Variants in FAM210A observed in about 807,000 individuals in gnomAD.
The protein encoded by FAM210A is mitochondrial inner membrane scaffold 1.
A neutral mutation model predicts 25.3 loss-of-function variants in FAM210A; 13 were observed. The ratio of observed to expected loss-of-function variants is 0.51; its 90% CI spans 0.33 to 0.82. FAM210A has a LOEUF of 0.82. FAM210A is among the 40% of genes least tolerant of loss of function. FAM210A has a pLI of 0.02. For synonymous variants in FAM210A, 125 were observed against 118.7 expected (o/e 1.05, Z -0.35); for missense variants, 319 against 323.2 (o/e 0.99, Z 0.10).
intron 2 of FAM210A, among the ~76,000 whole-genome samples, chr18:13,681,112 A>G (rs1296667993): frequency 1.3e-5 from 2 of 152,228 alleles, no homozygotes; most frequent in African/African-American, 4.8e-5. Context: ...GAACATTCTA[A>G]GAAATATATA....
intron 1 of FAM210A, among the ~76,000 whole-genome samples, chr18:13,698,898 C>T (rs2043717189): frequency 6.6e-6 from 1 of 152,182 alleles, no homozygotes; most frequent in Non-Finnish European, 1.5e-5. Flanking sequence ...CCCAACCTCT[C>T]AGGTTTATGC....
chr18:13,712,223 A>C (rs575288301), intron 1 of FAM210A, among the ~76,000 whole-genome samples: 1 of 152,234 alleles, frequency 6.6e-6, no homozygotes, highest in South Asian at 2.1e-4. Context: ...AATTATAAGA[A>C]AAATATACTA....
chr18:13,693,374 A>C (rs1371563227), intron 1 of FAM210A, among the ~76,000 whole-genome samples: 3 of 152,340 alleles, frequency 2.0e-5, no homozygotes, highest in African/African-American at 7.2e-5. Flanking sequence ...AAAAGAGGGA[A>C]TCCTCCCTAA....
intron 1 of FAM210A, among the ~76,000 whole-genome samples, chr18:13,684,963 AT>A (rs1446779480): frequency 6.6e-5 from 10 of 152,248 alleles, no homozygotes; most frequent in Admixed American, 1.3e-4. Context: ...CTAAAAAAAA[AT>A]CTTCAAACTT....
chr18:13,715,201 A>C (rs2043850981), intron 1 of FAM210A: 1 of 152,068 alleles, frequency 6.6e-6, no homozygotes, highest in East Asian at 1.9e-4. Context: ...CAGTTTCTAG[A>C]CTGGGCTAGT....
chr18:13,676,594 C>G (rs1385853805), intron 2 of FAM210A, among the ~76,000 whole-genome samples: 1 of 152,228 alleles, frequency 6.6e-6, no homozygotes, highest in Non-Finnish European at 1.5e-5. Flanking sequence ...AAGACATTCA[C>G]CTACATAAGC....
At chr18:13,704,530 C>A (rs80352671) in intron 1 of FAM210A, among the ~76,000 whole-genome samples, 1,888 of 152,194 alleles carry the variant, frequency 0.012, 42 homozygotes, top group African/African-American at 0.04. Flanking sequence ...TGTTTTAAAC[C>A]TTTAACATAT....
At chr18:13,678,631 C>G (rs1222488264) in intron 2 of FAM210A, among the ~76,000 whole-genome samples, 1 of 152,170 alleles carries the variant, frequency 6.6e-6, no homozygotes, top group Non-Finnish European at 1.5e-5. Flanking sequence ...TTAAAAATAA[C>G]TTTCATTTCC....
chr18:13,726,482 C>T lies in FAM210A; in HGVS notation c.-182G>A, dbSNP rs543578953. Reference sequence around the variant, plus strand: ...CCGGGCTCAGCCGGACGCTAGCCCCCTGCCGCCCCCGGCCCCGCCAGCCGC... The same window carrying T: ...CCGGGCTCAGCCGGACGCTAGCCCCTTGCCGCCCCCGGCCCCGCCAGCCGC... On this transcript the variant is annotated 5_prime_UTR_variant, in exon 1 of 4. Coordinates refer to ENST00000651643, the MANE Select transcript of FAM210A (RefSeq NM_152352.4). The T allele has an allele frequency of 6.5e-6, 1 of 152,756 alleles. No homozygotes were observed. The highest frequency in any genetic ancestry group is 1.9e-4 in the East Asian group (1 of 5,172). 9.5% of individuals were successfully genotyped at this position (152,756 alleles called of 1,614,324 possible).
At chr18:13,695,006 TAAAC>T (rs1236744330) in intron 1 of FAM210A, among the ~76,000 whole-genome samples, 1 of 152,050 alleles carries the variant, frequency 6.6e-6, no homozygotes, top group Non-Finnish European at 1.5e-5. Context: ...ACAAAGAACT[TAAAC>T]AAACTTACAA....
chr18:13,698,146 A>T (rs915915296), intron 1 of FAM210A, among the ~76,000 whole-genome samples: 17 of 152,090 alleles, frequency 1.1e-4, no homozygotes, highest in African/African-American at 4.1e-4. Context: ...TGAGGTCAGG[A>T]GTTCGAGACC....
At position 13,677,512 on chromosome 18, in the gene FAM210A, G is replaced by A. The variant is rs575057940; in HGVS notation, c.473+4093C>T. On this transcript the variant is annotated intron_variant, in intron 2 of 3. Coordinates refer to ENST00000651643, the MANE Select transcript of FAM210A (RefSeq NM_152352.4). ...GAACAGAACACAACACAACAGAACA[G>A]AACAGGGATTTTCACAGTGCTTTTC... Among the ~76,000 whole-genome samples, 8 of 152,340 alleles carry A rather than the reference G, an allele frequency of 5.3e-5. No homozygotes were observed. In the South Asian group the frequency reaches 1.7e-3, roughly 32 times the overall value.
At chr18:13,674,899 T>A (rs1268329846) in intron 2 of FAM210A, among the ~76,000 whole-genome samples, 1 of 127,854 alleles carries the variant, frequency 7.8e-6, no homozygotes, top group African/African-American at 2.9e-5. Context: ...CCCCGACTTC[T>A]TTATTTCCAG....
At chr18:13,667,107 A>G (rs1032616189) in intron 3 of FAM210A, among the ~76,000 whole-genome samples, 2 of 152,216 alleles carry the variant, frequency 1.3e-5, no homozygotes, top group African/African-American at 4.8e-5. Context: ...TTCTATCTGG[A>G]GCTAAACTAG....
intron 1 of FAM210A, among the ~76,000 whole-genome samples, chr18:13,708,449 C>T (rs886919287): frequency 2.0e-5 from 3 of 152,156 alleles, no homozygotes; most frequent in Non-Finnish European, 4.4e-5. Flanking sequence ...TCTCAAAGTT[C>T]CACCACTCTA....
chr18:13,708,483 G>A (rs756053239), intron 1 of FAM210A, among the ~76,000 whole-genome samples: 9 of 152,102 alleles, frequency 5.9e-5, no homozygotes, highest in Non-Finnish European at 1.2e-4. Flanking sequence ...CTAGTGAGTC[G>A]CCCCATTCTG....
intron 1 of FAM210A, among the ~76,000 whole-genome samples, chr18:13,691,945 A>C (rs12962031): frequency 1.6e-5 from 1 of 61,540 alleles, no homozygotes; most frequent in South Asian, 5.6e-4. Context: ...CCAGTTAAAA[A>C]ACACAGACTG....
intron 1 of FAM210A, among the ~76,000 whole-genome samples, chr18:13,708,390 T>C (rs992310089): frequency 5.3e-5 from 8 of 152,328 alleles, no homozygotes; most frequent in Middle Eastern, 3.4e-3. Context: ...AGAGTTTTTG[T>C]AGAGACTAAT....
chr18:13,690,729 C>T (rs1367117330), intron 1 of FAM210A, among the ~76,000 whole-genome samples: 1 of 152,106 alleles, frequency 6.6e-6, no homozygotes, highest in African/African-American at 2.4e-5. Context: ...ACAGAAAGGA[C>T]ATCCACACCA....
Sources: gnomAD v4.1 joint callset for allele counts (sites outside exome capture counted in the v4.1 genomes callset) on GRCh38, gnomAD v4.1.1 for gene constraint, MANE v1.5 for transcripts, NCBI Gene and HGNC (gene_info 2026-07-23, HGNC 2026-07-21) for gene names.